Variants in KCNQ1 observed in about 807,000 individuals in gnomAD.
The protein encoded by KCNQ1 is potassium voltage-gated channel subfamily Q member 1, also known as potassium voltage-gated channel subfamily KQT member 1.
In KCNQ1, 49 loss-of-function variants were observed where a neutral mutation model predicts 72.4. That is an observed-to-expected ratio of 0.68 (90% CI 0.54 to 0.86). The LOEUF is 0.86. KCNQ1 is among the 40% of genes least tolerant of loss of function. The pLI is 0.00. For synonymous variants in KCNQ1, 450 were observed against 412.6 expected, an observed-to-expected ratio of 1.09 and a Z score of -1.10; for missense variants, 790 against 945.1, an observed-to-expected ratio of 0.84 and a Z score of 2.15.
In KCNQ1 at chr11:2,648,232, T is replaced by C. The variant is rs892282198; in HGVS notation, c.1394-13729T>C. ...GGGGTGGGGGGGAGGCCTCATTTCA[T>C]TGATCTTTTGTCTTTTTTACCTTTT... is the stretch of plus-strand genomic sequence containing the variant. On this transcript the variant is annotated intron_variant, in intron 10 of 15. Coordinates refer to ENST00000155840, the MANE Select transcript of KCNQ1 (RefSeq NM_000218.3). 24 of 398,578 alleles carry C rather than the reference T, an allele frequency of 6.0e-5. No individual in the cohort carries two copies. In the Admixed American group the frequency reaches 1.0e-3, roughly 17 times the overall value. 24.7% of individuals were successfully genotyped at this position (398,578 alleles called of 1,614,324 possible).
chr11:2,718,089 C>T lies in KCNQ1; in HGVS notation c.1515-50755C>T, dbSNP rs555523775. Among the ~76,000 whole-genome samples, 9 of 152,288 alleles carry T rather than the reference C, an allele frequency of 5.9e-5. No homozygotes were observed. The South Asian group carries it at 6.2e-4, about 11-fold the overall frequency. On this transcript the variant is annotated intron_variant, in intron 11 of 15. Transcript: ENST00000155840. The stretch of plus-strand genomic sequence containing the variant: ...GTGGAGCTGCCTCTTCTGGAAGAGC[C>T]GGGTTGACACCCGCGTGCCCCGTCC...
rs1472434839 is a variant in KCNQ1, at chr11:2,508,364, G to T, written c.387-19564G>T. On this transcript the variant is annotated intron_variant, in intron 1 of 15. Transcript: ENST00000155840. The surrounding 1 kb of genome is among the most constrained non-coding windows in gnomAD (Gnocchi z 6.2). ...ATCATTGTCCTGGAACCTGGGCTTG[G>T]CAGGGCAAGCTTTGGGGAGCACTGT... 1.3e-5 allele frequency among the ~76,000 whole-genome samples: 2 copies of T among 152,164 alleles called. No individual in the cohort carries two copies. Among genetic ancestry groups the T allele is most frequent in the Non-Finnish European group, 2.9e-5 (2 of 68,014 alleles).
intron 10 of KCNQ1, chr11:2,636,950 T>C (rs956375022): frequency 3.3e-5 from 5 of 152,246 alleles, no homozygotes; most frequent in African/African-American, 7.2e-5. Context: ...CCATTTCTTC[T>C]AGATTTTCTA....
At chr11:2,834,648 G>T (rs1848024326) in intron 15 of KCNQ1, among the ~76,000 whole-genome samples, 1 of 152,232 alleles carries the variant, frequency 6.6e-6, no homozygotes, top group Non-Finnish European at 1.5e-5. Flanking sequence ...GAAAGGACAG[G>T]GGAGGGGTGT....
At position 2,803,161 on chromosome 11, in the gene KCNQ1, C is replaced by T. The variant is rs586576; in HGVS notation, c.1794+25124C>T. On this transcript the variant is annotated intron_variant, in intron 15 of 15. Transcript: ENST00000155840. This position sits in a 1 kb window ranked among gnomAD's most constrained non-coding sequence, Gnocchi z 6.4. ...CCCAGAAAACCCAGCCGGGCCCCCC[C>T]CCCCACGGGCACCCAGGAACCGCCC... 6.6e-6 allele frequency among the ~76,000 whole-genome samples: 1 copy of T among 150,700 alleles called. No homozygotes were observed. The highest frequency in any genetic ancestry group is 1.5e-5 in the Non-Finnish European group (1 of 67,910).
chr11:2,833,560 C>A (rs926765668), intron 15 of KCNQ1, among the ~76,000 whole-genome samples: 11 of 152,230 alleles, frequency 7.2e-5, no homozygotes, highest in Admixed American at 2.6e-4. Flanking sequence ...TGCTGCCCCG[C>A]CAGCAACCGT....
intron 11 of KCNQ1, chr11:2,684,581 G>A: frequency 2.5e-6 from 1 of 398,664 alleles, no homozygotes. Context: ...TTCTGGCAGA[G>A]GAGAGTGACT....
At position 2,777,960 on chromosome 11, in the gene KCNQ1, G is replaced by A. The variant is rs374351635; in HGVS notation, c.1733-16G>A. On this transcript the variant is annotated splice_polypyrimidine_tract_variant and intron_variant, in intron 14 of 15. Transcript: ENST00000155840. ...CCCAGCACTTGGCCCTGATTTGGGT[G>A]TTTTATCCCCCATAGAAAAGAGCAA... 27 of 1,613,664 alleles carry A rather than the reference G, an allele frequency of 1.7e-5. No homozygotes were observed. The African/African-American group carries it at 2.7e-4, about 16-fold the overall frequency.
In KCNQ1 at chr11:2,698,513, G is replaced by T; in HGVS notation, c.1514+36432G>T. 1 of 398,476 alleles carries T rather than the reference G, an allele frequency of 2.5e-6. No homozygotes were observed. Among genetic ancestry groups the T allele is most frequent in the Non-Finnish European group, 4.4e-6 (1 of 226,054 alleles). The allele number at this position is 398,476 out of a possible 1,614,324, so 24.7% of individuals were successfully genotyped here. A position where few individuals can be genotyped will look rare whatever the true frequency, so the allele number is the denominator to read the frequency against. ...TCTACCACTACCTCTCACCTGGCAG[G>T]TGATCACCACCCCCAACTCAGACTG... On this transcript the variant is annotated intron_variant, in intron 11 of 15. Transcript: ENST00000155840. The surrounding 1 kb of genome is among the most constrained non-coding windows in gnomAD (Gnocchi z 5.1).
chr11:2,634,619 G>A (rs1266839448), intron 10 of KCNQ1: 1 of 152,130 alleles, frequency 6.6e-6, no homozygotes, highest in Non-Finnish European at 1.5e-5. Flanking sequence ...TTGCTATCGT[G>A]AATAGTGCTG....
At position 2,583,560 on chromosome 11, in the gene KCNQ1, G is replaced by T; in HGVS notation, c.1032+15G>T. 3 of 1,585,198 alleles carry T rather than the reference G, an allele frequency of 1.9e-6. No homozygotes were observed. Among genetic ancestry groups the T allele is most frequent in the Non-Finnish European group, 2.6e-6 (3 of 1,153,772 alleles). On this transcript the variant is annotated intron_variant, in intron 7 of 15. Transcript: ENST00000155840. ...CGCTCCCAGCGGTAGGTGCCCCGTG[G>T]GTGCGTTTTCCCTGGCTCCTTGGAC...
At position 2,567,671 on chromosome 11, in the gene KCNQ1, C is replaced by T. The variant is rs1848266446; in HGVS notation, c.478-2957C>T. Among the ~76,000 whole-genome samples the T allele has an allele frequency of 6.6e-6, 1 of 152,208 alleles. No individual in the cohort carries two copies. Among genetic ancestry groups the T allele is most frequent in the East Asian group, 1.9e-4 (1 of 5,198 alleles). Reference sequence around the variant, plus strand: ...GCACCAGCCTAATTAACCTGACAAGCGGGGCCTCCCCAGCCATGCAGCCTT... The same window carrying T: ...GCACCAGCCTAATTAACCTGACAAGTGGGGCCTCCCCAGCCATGCAGCCTT... On this transcript the variant is annotated intron_variant, in intron 2 of 15. Coordinates refer to ENST00000155840, the MANE Select transcript of KCNQ1 (RefSeq NM_000218.3). The surrounding 1 kb of genome is among the most constrained non-coding windows in gnomAD (Gnocchi z 6.6).
Position 2,599,616 on chromosome 11 carries a change from C to T in KCNQ1, c.1393+10762C>T, listed in dbSNP as rs1848773566. ...TTAGACAGCAGACATGTATTTCTCA[C>T]AATTCTGGAGGATAGAAGTCTGAGA... On this transcript the variant is annotated intron_variant, in intron 10 of 15. Coordinates refer to ENST00000155840, the MANE Select transcript of KCNQ1 (RefSeq NM_000218.3). The surrounding 1 kb of genome is among the most constrained non-coding windows in gnomAD (Gnocchi z 4.7). Among the ~76,000 whole-genome samples, 1 of 152,204 alleles carries T rather than the reference C, an allele frequency of 6.6e-6. No homozygotes were observed. The highest frequency in any genetic ancestry group is 1.5e-5 in the Non-Finnish European group (1 of 68,032).
In KCNQ1 at chr11:2,746,708, T is replaced by C. The variant is rs1288628894; in HGVS notation, c.1515-22136T>C. On this transcript the variant is annotated intron_variant, in intron 11 of 15. Transcript: ENST00000155840. This position sits in a 1 kb window ranked among gnomAD's most constrained non-coding sequence, Gnocchi z 5.9. ...TGTCGGTGTGGCTCGTCATGGGCGA[T>C]GCTGTCTCTGTCTCCTGGCTCTGAG... 6.6e-6 allele frequency among the ~76,000 whole-genome samples: 1 copy of C among 152,230 alleles called. No individual in the cohort carries two copies. Among genetic ancestry groups the C allele is most frequent in the Admixed American group, 6.5e-5 (1 of 15,290 alleles).
chr11:2,736,714 G>A (rs1204252124), intron 11 of KCNQ1, among the ~76,000 whole-genome samples: 1 of 152,250 alleles, frequency 6.6e-6, no homozygotes, highest in Non-Finnish European at 1.5e-5. Flanking sequence ...CCAGAGCAAA[G>A]GGCGGCTTCC....
chr11:2,811,224 G>A (rs571119383), intron 15 of KCNQ1, among the ~76,000 whole-genome samples: 46 of 152,324 alleles, frequency 3.0e-4, no homozygotes, highest in Non-Finnish European at 3.4e-4. Flanking sequence ...GTGGGAATCC[G>A]TCCCCACGAC....
At chr11:2,582,169 G>A (rs544623081) in intron 6 of KCNQ1, among the ~76,000 whole-genome samples, 6 of 152,180 alleles carry the variant, frequency 3.9e-5, no homozygotes, top group South Asian at 2.1e-4. Context: ...CTGAGCCTCC[G>A]AGCCTCCTGC....
Position 2,565,480 on chromosome 11 carries a change from T to C in KCNQ1, c.478-5148T>C, listed in dbSNP as rs1848234209. Among the ~76,000 whole-genome samples the C allele has an allele frequency of 6.6e-6, 1 of 152,216 alleles. No individual in the cohort carries two copies. Among genetic ancestry groups the C allele is most frequent in the South Asian group, 2.1e-4 (1 of 4,828 alleles). On this transcript the variant is annotated intron_variant, in intron 2 of 15. Transcript: ENST00000155840. The surrounding 1 kb of genome is among the most constrained non-coding windows in gnomAD (Gnocchi z 5.6). ...TTTTAAAAATTGAGTTGTTAGGAACTTTGGTTTTTTAAATAATTTTAAAGC... is the reference window on the plus strand; with the variant it reads ...TTTTAAAAATTGAGTTGTTAGGAACCTTGGTTTTTTAAATAATTTTAAAGC...
At chr11:2,519,915 C>T (rs1322201622) in intron 1 of KCNQ1, among the ~76,000 whole-genome samples, 1 of 152,194 alleles carries the variant, frequency 6.6e-6, no homozygotes, top group Non-Finnish European at 1.5e-5. Flanking sequence ...GACACGTGTC[C>T]TCCTAAAAGA....
Sources: allele counts gnomAD v4.1 joint callset (sites outside exome capture counted in the v4.1 genomes callset), GRCh38; gene constraint gnomAD v4.1.1; non-coding constraint Gnocchi (gnomAD v3.1); transcripts MANE v1.5; gene names NCBI Gene and HGNC (gene_info 2026-07-23, HGNC 2026-07-21).